CACNA1C: variants seen among roughly 807,000 people sequenced by gnomAD.
The protein encoded by CACNA1C is voltage-dependent L-type calcium channel subunit alpha-1C.
CACNA1C carries 30 observed loss-of-function variants against 229.0 expected under a neutral mutation model. The ratio of observed to expected loss-of-function variants is 0.13; its 90% CI spans 0.10 to 0.18. The LOEUF (loss-of-function observed/expected upper bound fraction) is 0.18, where lower values mean the gene tolerates loss of function less well. Ranked by LOEUF, CACNA1C falls within the 10% of genes least tolerant of loss-of-function variation. The pLI is 1.00. For missense variants in CACNA1C, 1,658 were observed against 2,845.0 expected (o/e 0.58, Z 9.49); for synonymous variants, 1,114 against 1,132.5 (o/e 0.98, Z 0.33).
intron 9 of CACNA1C, among the ~76,000 whole-genome samples, chr12:2,539,000 G>T (rs182395489): frequency 5.3e-5 from 8 of 152,156 alleles, no homozygotes; most frequent in African/African-American, 1.9e-4. Flanking sequence ...CAGCGACGTC[G>T]CCTGATGGGG....
intron 3 of CACNA1C, among the ~76,000 whole-genome samples, chr12:2,402,616 A>T (rs2098692306): frequency 6.6e-6 from 1 of 152,250 alleles, no homozygotes; most frequent in Non-Finnish European, 1.5e-5. Context: ...TGACGACTTC[A>T]CATGTGAAAC....
At chr12:2,589,726 T>C (rs908276157) in intron 18 of CACNA1C, among the ~76,000 whole-genome samples, 1 of 145,126 alleles carries the variant, frequency 6.9e-6, no homozygotes, top group Admixed American at 6.9e-5. Context: ...AGAGCAGTGG[T>C]GTTCGAGAGC....
chr12:2,119,264 G>A (rs1044218097), intron 2 of CACNA1C, among the ~76,000 whole-genome samples: 1 of 151,976 alleles, frequency 6.6e-6, no homozygotes, highest in African/African-American at 2.4e-5. Flanking sequence ...AATTATGGTG[G>A]TCCCTTCACC....
At chr12:2,519,120 A>G (rs891964035) in intron 9 of CACNA1C, among the ~76,000 whole-genome samples, 2 of 152,158 alleles carry the variant, frequency 1.3e-5, no homozygotes, top group Admixed American at 1.3e-4. Flanking sequence ...CTGTCCCCCT[A>G]GCTCTTGGGG....
chr12:2,031,012 G>A (rs1009447080), intron 1 of CACNA1C, among the ~76,000 whole-genome samples: 21 of 147,102 alleles, frequency 1.4e-4, no homozygotes, highest in Admixed American at 1.4e-3. Context: ...CTGCTAGAAG[G>A]CAAGACAGGT....
chr12:2,156,542 C>T lies in CACNA1C; in HGVS notation c.477+36112C>T, dbSNP rs79113202. Among the ~76,000 whole-genome samples, 586 of 152,310 alleles carry T rather than the reference C, an allele frequency of 3.8e-3. 3 individuals carry two copies. Among genetic ancestry groups the T allele is most frequent in the African/African-American group, 0.013 (540 of 41,560 alleles). On this transcript the variant is annotated intron_variant, in intron 3 of 46. Transcript: ENST00000399655. ...GACATATTTGGCTTTGATTCTTTGG[C>T]GCTGGCCTTAACAACCATACAGCTG...
intron 4 of CACNA1C, among the ~76,000 whole-genome samples, chr12:2,455,881 T>G (rs2099414759): frequency 6.6e-6 from 1 of 152,152 alleles, no homozygotes; most frequent in South Asian, 2.1e-4. Context: ...CCCCTCAATG[T>G]GGGAGCACTG....
chr12:2,643,248 G>A (rs530882798), intron 30 of CACNA1C, among the ~76,000 whole-genome samples: 3 of 152,332 alleles, frequency 2.0e-5, no homozygotes, highest in South Asian at 2.1e-4. Context: ...GTGGGTTTCC[G>A]ACCTGGGGGT....
chr12:2,291,795 C>T (rs2093545385), intron 3 of CACNA1C, among the ~76,000 whole-genome samples: 2 of 152,296 alleles, frequency 1.3e-5, no homozygotes, highest in South Asian at 2.1e-4. Flanking sequence ...TTGCCATTAA[C>T]GTCACCTCTG....
At chr12:2,250,432 G>A (rs562755290) in intron 3 of CACNA1C, among the ~76,000 whole-genome samples, 74 of 152,338 alleles carry the variant, frequency 4.9e-4, no homozygotes, top group South Asian at 1.9e-3. Flanking sequence ...AGGATTGTGG[G>A]TGTGGTTGAT....
intron 29 of CACNA1C, among the ~76,000 whole-genome samples, chr12:2,625,422 C>T (rs1295237383): frequency 1.3e-5 from 2 of 152,292 alleles, no homozygotes; most frequent in East Asian, 1.9e-4. Context: ...CAGGGTGCGT[C>T]GGCGATAACC....
chr12:2,664,078 GAAGACAACCTGAATCAAACAAGC>G (rs1254280941), intron 34 of CACNA1C, among the ~76,000 whole-genome samples: 6 of 152,168 alleles, frequency 3.9e-5, no homozygotes, highest in African/African-American at 1.4e-4. Flanking sequence ...AAACGAACAA[GAAGACAACCTGAATCAAACAAGC>G]AAAAACATGA....
chr12:2,596,079 A>C (rs989801329), intron 20 of CACNA1C, 76 bp downstream of exon 20: 9 of 1,427,888 alleles, frequency 6.3e-6, no homozygotes, highest in Middle Eastern at 1.8e-4. Context: ...TGCTGACATC[A>C]TTGTTCAATC....
rs1050444254 is a variant in CACNA1C, at chr12:2,602,031, C to G, written c.2960+71C>G. The G allele has an allele frequency of 2.0e-6, 2 of 986,042 alleles. No individual in the cohort carries two copies. Among genetic ancestry groups the G allele is most frequent in the African/African-American group, 1.6e-5 (1 of 63,094 alleles). The allele number at this position is 986,042 out of a possible 1,614,324, so 61.1% of individuals were successfully genotyped here. A position where few individuals can be genotyped will look rare whatever the true frequency, so the allele number is the denominator to read the frequency against. On this transcript the variant is annotated intron_variant, in intron 22 of 46. Coordinates refer to ENST00000399655, the MANE Select transcript of CACNA1C (RefSeq NM_000719.7). This position sits in a 1 kb window ranked among gnomAD's most constrained non-coding sequence, Gnocchi z 4.4. ...GGGGTGCCAGAGAGGACAACCAGAC[C>G]CTGGAGGGCCTGCCTGCAGGGCCAC...
chr12:2,296,480 T>A (rs145370774), intron 3 of CACNA1C, among the ~76,000 whole-genome samples: 1,576 of 152,216 alleles, frequency 0.01, 23 homozygotes, highest in African/African-American at 0.036. Flanking sequence ...TGGAGGAAAA[T>A]TACTGGGGTC....
At chr12:2,192,090 G>A (rs1209117258) in intron 3 of CACNA1C, among the ~76,000 whole-genome samples, 2 of 151,750 alleles carry the variant, frequency 1.3e-5, no homozygotes, top group Non-Finnish European at 2.9e-5. Context: ...ACACATGCAC[G>A]CACATGGGCG....
At chr12:2,201,648 C>T (rs1598921526) in intron 3 of CACNA1C, among the ~76,000 whole-genome samples, 1 of 152,342 alleles carries the variant, frequency 6.6e-6, no homozygotes, top group East Asian at 1.9e-4. Context: ...GTGTGTCAGT[C>T]AGGTTGCTTT....
intron 3 of CACNA1C, among the ~76,000 whole-genome samples, chr12:2,340,390 CAGGCTGAGCATTA>C (rs200260970): frequency 6.6e-6 from 1 of 152,210 alleles, no homozygotes; most frequent in East Asian, 1.9e-4. Flanking sequence ...CCCATGCCAA[CAGGCTGAGCATTA>C]TCTTTATTAA....
At chr12:2,622,077 G>A (rs57157754) in intron 29 of CACNA1C, among the ~76,000 whole-genome samples, 3,004 of 152,284 alleles carry the variant, frequency 0.02, 99 homozygotes, top group African/African-American at 0.069. Flanking sequence ...TGGAGGCCAA[G>A]AGCCAGGAAG....
Sources: gnomAD v4.1 joint callset for allele counts (sites outside exome capture counted in the v4.1 genomes callset) on GRCh38, gnomAD v4.1.1 for gene constraint, Gnocchi (gnomAD v3.1) non-coding constraint, MANE v1.5 for transcripts, NCBI Gene and HGNC (gene_info 2026-07-23, HGNC 2026-07-21) for gene names.